ANKRD28: variants seen among roughly 807,000 people sequenced by gnomAD.
The protein encoded by ANKRD28 is serine/threonine-protein phosphatase 6 regulatory ankyrin repeat subunit A.
ANKRD28 carries 44 observed loss-of-function variants against 126.5 expected under a neutral mutation model. The observed-to-expected ratio is 0.35, with a 90% CI of 0.27 to 0.45. The LOEUF (loss-of-function observed/expected upper bound fraction) is 0.45, where lower values mean the gene tolerates loss of function less well. ANKRD28 is among the 20% of genes least tolerant of loss of function. The pLI is 1.00. For missense variants in ANKRD28, 1,110 were observed against 1,316.6 expected, an observed-to-expected ratio of 0.84 and a Z score of 2.43; for synonymous variants, 442 against 468.5, an observed-to-expected ratio of 0.94 and a Z score of 0.73.
intron 3 of ANKRD28, among the ~76,000 whole-genome samples, chr3:15,762,227 A>AAAAC: frequency 6.9e-6 from 1 of 145,484 alleles, no homozygotes; most frequent in African/African-American, 2.6e-5. Flanking sequence ...AACAAAAAAA[A>AAAAC]AAAAACTCTC....
chr3:15,850,779 C>T (rs1374453354), intron 1 of ANKRD28, among the ~76,000 whole-genome samples: 2 of 152,198 alleles, frequency 1.3e-5, no homozygotes, highest in African/African-American at 4.8e-5. Flanking sequence ...ATAAGGTTTT[C>T]CCTGAGTTCT....
intron 1 of ANKRD28, among the ~76,000 whole-genome samples, chr3:15,822,119 G>A (rs1173468591): frequency 3.3e-5 from 5 of 152,200 alleles, no homozygotes; most frequent in Non-Finnish European, 7.3e-5. Flanking sequence ...CTGGCCATAT[G>A]CTCAGAGAAG....
At chr3:15,791,323 A>G (rs1489560154) in intron 2 of ANKRD28, among the ~76,000 whole-genome samples, 2 of 152,248 alleles carry the variant, frequency 1.3e-5, no homozygotes, top group African/African-American at 4.8e-5. Flanking sequence ...CCTAAGCAAA[A>G]AGAACAAAAC....
intron 1 of ANKRD28, among the ~76,000 whole-genome samples, chr3:15,829,478 T>C (rs2061142886): frequency 6.6e-6 from 1 of 152,226 alleles, no homozygotes. Flanking sequence ...TGAAGCCATA[T>C]GAATGAGCTT....
At chr3:15,708,143 C>A (rs1559377885) in intron 13 of ANKRD28, 79 bp from the exon 14 acceptor site, 1 of 1,453,364 alleles carries the variant, frequency 6.9e-7, no homozygotes, top group South Asian at 1.3e-5. Flanking sequence ...GACTCTTACT[C>A]CTCCCAGTTA....
rs2061704957 is a variant in ANKRD28, at chr3:15,853,848, T to C, written c.27+5529A>G. 6.6e-6 allele frequency among the ~76,000 whole-genome samples: 1 copy of C among 152,180 alleles called. No homozygotes were observed. Among genetic ancestry groups the C allele is most frequent in the African/African-American group, 2.4e-5 (1 of 41,444 alleles). ...TATGTATCCAAAAAATTACCAATTA[T>C]CATACAAATCCAAGACACTCTCAAT... On this transcript the variant is annotated intron_variant, in intron 1 of 27. Coordinates refer to the ANKRD28 transcript ENST00000399451. The surrounding 1 kb of genome is among the most constrained non-coding windows in gnomAD (Gnocchi z 4.2).
At chr3:15,791,694 T>C (rs1285157173) in intron 2 of ANKRD28, among the ~76,000 whole-genome samples, 5 of 152,074 alleles carry the variant, frequency 3.3e-5, no homozygotes, top group African/African-American at 1.2e-4. Flanking sequence ...TCTGAGCAAA[T>C]ATTTCTTGAG....
intron 1 of ANKRD28, among the ~76,000 whole-genome samples, chr3:15,828,411 T>C (rs989743600): frequency 2.0e-5 from 3 of 152,104 alleles, no homozygotes; most frequent in Admixed American, 1.3e-4. Flanking sequence ...AGAGATTGCA[T>C]ACTCATAAAA....
intron 21 of ANKRD28, among the ~76,000 whole-genome samples, chr3:15,682,137 A>G (rs2067613077): frequency 6.6e-6 from 1 of 152,236 alleles, no homozygotes; most frequent in Admixed American, 6.5e-5. Flanking sequence ...TAAATTAGCT[A>G]TGAAGAGATG....
intron 2 of ANKRD28, among the ~76,000 whole-genome samples, chr3:15,794,626 T>A (rs1179157747): frequency 6.6e-6 from 1 of 152,184 alleles, no homozygotes; most frequent in East Asian, 1.9e-4. Flanking sequence ...TCCACCTTTC[T>A]AAAACTGTCC....
chr3:15,765,539 G>C (rs1018079365), intron 3 of ANKRD28, among the ~76,000 whole-genome samples: 2 of 152,006 alleles, frequency 1.3e-5, no homozygotes, highest in African/African-American at 4.8e-5. Context: ...TACTATAACT[G>C]TTCCATATAA....
At position 15,684,311 on chromosome 3, in the gene ANKRD28, G is replaced by A. The variant is rs374063500; in HGVS notation, c.2389+915C>T. On this transcript the variant is annotated intron_variant, in intron 21 of 27. Coordinates refer to ENST00000683139, the MANE Select transcript of ANKRD28 (RefSeq NM_001349278.2). ...TGCTTCCCTACGTGACCTTTTATGA[G>A]TCTACCTATAAAAGCGATGACTGTG... The A allele has an allele frequency of 6.6e-5, 10 of 152,268 alleles. No individual in the cohort carries two copies. The South Asian group carries it at 2.1e-3, about 32-fold the overall frequency. 9.4% of individuals were successfully genotyped at this position (152,268 alleles called of 1,614,324 possible). A position where few individuals can be genotyped will look rare whatever the true frequency, so the allele number is the denominator to read the frequency against.
At chr3:15,832,594 T>C (rs1408419846) in intron 1 of ANKRD28, among the ~76,000 whole-genome samples, 1 of 152,208 alleles carries the variant, frequency 6.6e-6, no homozygotes, top group Non-Finnish European at 1.5e-5. Context: ...CAACAGGTGA[T>C]TTTTCAACCC....
Position 15,737,055 on chromosome 3 carries a change from G to A in ANKRD28, c.530C>T (p.Ala177Val). 6.2e-7 allele frequency: 1 copy of A among 1,613,954 alleles called. No individual in the cohort carries two copies. The highest frequency in any genetic ancestry group is 1.1e-5 in the South Asian group (1 of 91,078). ...TACCTCACCATGTCCACTGAAAGCTGCATGATGTAATGCAGTCCTCCCTGC... is the reference window on the plus strand; with the variant it reads ...TACCTCACCATGTCCACTGAAAGCTACATGATGTAATGCAGTCCTCCCTGC... ...DRAGRTALHH[A>V]AFSGHGEMVK... The change falls in exon 5 of 28, where the codon GCA (alanine) becomes GTA (valine). Residue 177 changes from alanine to valine, a missense_variant. By Grantham distance (64) the Ala-to-Val change is moderately conservative. Coordinates refer to ENST00000683139, the MANE Select transcript of ANKRD28 (RefSeq NM_001349278.2).
At chr3:15,850,167 G>A (rs1235129825) in intron 1 of ANKRD28, among the ~76,000 whole-genome samples, 2 of 131,288 alleles carry the variant, frequency 1.5e-5, no homozygotes, top group Non-Finnish European at 3.2e-5. Context: ...ATGGCACTGG[G>A]ACAACTGGGT....
rs2066130994 is a variant in ANKRD28, at chr3:15,668,993, A to C, written c.*1277T>G. 1 of 152,644 alleles carries C rather than the reference A, an allele frequency of 6.6e-6. No homozygotes were observed. The highest frequency in any genetic ancestry group is 6.5e-5 in the Admixed American group (1 of 15,272). 9.5% of individuals were successfully genotyped at this position (152,644 alleles called of 1,614,324 possible). A position where few individuals can be genotyped will look rare whatever the true frequency, so the allele number is the denominator to read the frequency against. ...AGCAGAACCACACAAATCTTTATTT[A>C]AAAGCCGAAATATCAGCCTTCTCTC... On this transcript the variant is annotated 3_prime_UTR_variant, in exon 28 of 28. Transcript: ENST00000683139.
chr3:15,677,402 A>C, intron 25 of ANKRD28, 78 bp downstream of exon 25: 1 of 1,070,146 alleles, frequency 9.3e-7, no homozygotes, highest in South Asian at 1.4e-5. Context: ...TGAGTTGTTC[A>C]TTTTAGTGAA....
chr3:15,718,695 A>T (rs749782092), intron 8 of ANKRD28, among the ~76,000 whole-genome samples: 1 of 152,252 alleles, frequency 6.6e-6, no homozygotes, highest in Non-Finnish European at 1.5e-5. Flanking sequence ...AAAAATGCAT[A>T]GTAGCTGACG....
In ANKRD28 at chr3:15,711,280, A is replaced by AT; in HGVS notation, c.1274-7_1274-6insA. On this transcript the variant is annotated splice_polypyrimidine_tract_variant and splice_region_variant and intron_variant, in intron 11 of 27. Transcript: ENST00000683139. ...TGGGGTATCTATATCAAATCCTACAAGAATGAATACATCTTATTTATAACA... is the reference window on the plus strand; with the variant it reads ...TGGGGTATCTATATCAAATCCTACAATGAATGAATACATCTTATTTATAACA... 6.2e-7 allele frequency: 1 copy of AT among 1,603,956 alleles called. No homozygotes were observed. Among genetic ancestry groups the AT allele is most frequent in the Non-Finnish European group, 8.5e-7 (1 of 1,172,070 alleles).
Sources: allele counts gnomAD v4.1 joint callset (sites outside exome capture counted in the v4.1 genomes callset), GRCh38; gene constraint gnomAD v4.1.1; non-coding constraint Gnocchi (gnomAD v3.1); transcripts MANE v1.5; gene names NCBI Gene and HGNC (gene_info 2026-07-23, HGNC 2026-07-21).